ALS2: variants seen among roughly 807,000 people sequenced by gnomAD.
ALS2 encodes alsin.
In ALS2, 117 loss-of-function variants were observed where a neutral mutation model predicts 203.4. That is an observed-to-expected ratio of 0.58 (90% CI 0.50 to 0.67). The LOEUF (loss-of-function observed/expected upper bound fraction) is 0.67, where lower values mean the gene tolerates loss of function less well. Among genes scored for constraint, ALS2 ranks in the 30% least tolerant of loss-of-function variants. The pLI is 0.00. For missense variants in ALS2, 1,715 were observed against 1,989.4 expected, an observed-to-expected ratio of 0.86 and a Z score of 2.62; for synonymous variants, 718 against 725.9, an observed-to-expected ratio of 0.99 and a Z score of 0.17.
chr2:201,734,041 C>T (rs571704650), intron 12 of ALS2, among the ~76,000 whole-genome samples: 1 of 152,240 alleles, frequency 6.6e-6, no homozygotes, highest in South Asian at 2.1e-4. Context: ...TCTTCAAAAG[C>T]ATTTCAAACT....
At chr2:201,714,334 C>G (rs1185295194) in intron 25 of ALS2, among the ~76,000 whole-genome samples, 1 of 152,188 alleles carries the variant, frequency 6.6e-6, no homozygotes, top group Non-Finnish European at 1.5e-5. Flanking sequence ...GTGACCCGCC[C>G]CCAGTATAAA....
chr2:201,725,252 G>T, intron 20 of ALS2, 104 bp downstream of exon 20: 1 of 883,708 alleles, frequency 1.1e-6, no homozygotes, highest in Non-Finnish European at 1.9e-6. Flanking sequence ...TTATCTATAA[G>T]ACTAAACAAA....
At chr2:201,778,470 C>CAA (rs1328937918) in intron 1 of ALS2, 2 of 152,006 alleles carry the variant, frequency 1.3e-5, no homozygotes, top group African/African-American at 4.8e-5. Flanking sequence ...TACATGCAGG[C>CAA]AAACATCAAG....
Position 201,701,606 on chromosome 2 carries a change from C to A in ALS2, c.*245G>T. On this transcript the variant is annotated 3_prime_UTR_variant, in exon 34 of 34. Transcript: ENST00000264276. ...TAGTAGATAAATGGTATTTTTGGAA[C>A]TTATCATAGGCCAAGAACTGGTCTA... 2.3e-6 allele frequency: 1 copy of A among 434,248 alleles called. No homozygotes were observed. The highest frequency in any genetic ancestry group is 4.5e-5 in the South Asian group (1 of 22,256). 26.9% of individuals were successfully genotyped at this position (434,248 alleles called of 1,614,324 possible). A position where few individuals can be genotyped will look rare whatever the true frequency, so the allele number is the denominator to read the frequency against.
intron 10 of ALS2, 118 bp downstream of exon 10, chr2:201,744,138 CAA>C: frequency 8.7e-7 from 1 of 1,155,156 alleles, no homozygotes; most frequent in Non-Finnish European, 1.3e-6. Flanking sequence ...TACACACACA[CAA>C]AGACAGTGCA....
At chr2:201,741,525 C>CTA in intron 11 of ALS2, 149 bp downstream of exon 11, 7 of 828,504 alleles carry the variant, frequency 8.4e-6, no homozygotes, top group Non-Finnish European at 1.2e-5. Context: ...CAATCCAGAA[C>CTA]TATAGTTGGC....
In ALS2 at chr2:201,724,341, C is replaced by G. The variant is rs191150274; in HGVS notation, c.3466G>C (p.Val1156Leu). ...CCATATCCTGCTTTCTTATCCATTACCCACTGGCCAATGAACATACTAGGA... is the reference window on the plus strand; with the variant it reads ...CCATATCCTGCTTTCTTATCCATTAGCCACTGGCCAATGAACATACTAGGA... ...SSPSMFIGQW[V>L]MDKKAGYGVF... The change falls in exon 21 of 34, where the codon GTA becomes CTA. Residue 1156 changes from valine to leucine, a missense_variant. By Grantham distance (32) the Val-to-Leu change is conservative. Coordinates refer to ENST00000264276, the MANE Select transcript of ALS2 (RefSeq NM_020919.4). 20 of 1,613,940 alleles carry G rather than the reference C, an allele frequency of 1.2e-5. No homozygotes were observed. The East Asian group carries it at 4.5e-4, about 36-fold the overall frequency.
At chr2:201,727,102 A>G (rs369007394) in intron 17 of ALS2, 110 bp downstream of exon 17, 17 of 1,107,032 alleles carry the variant, frequency 1.5e-5, no homozygotes, top group African/African-American at 7.7e-5. Flanking sequence ...TTTATCAGAC[A>G]GAACTGTGCA....
At chr2:201,738,402 AAG>A in intron 12 of ALS2, 3 of 481,246 alleles carry the variant, frequency 6.2e-6, no homozygotes, top group Non-Finnish European at 1.1e-5. Context: ...TACTGAGGTA[AAG>A]AGAGTTGTCC....
chr2:201,771,825 G>A (rs1486777721), intron 1 of ALS2, among the ~76,000 whole-genome samples: 2 of 152,166 alleles, frequency 1.3e-5, no homozygotes, highest in African/African-American at 4.8e-5. Context: ...TTCCTTAAGA[G>A]GGCAAGATCC....
chr2:201,715,664 T>A lies in ALS2; in HGVS notation c.4004+8A>T. Reference sequence around the variant, plus strand: ...GCTCTGCTGTATGTTGAGCAGGTGTTCACTCACCTGTCTCTGTGCTGGCGC... The same window carrying A: ...GCTCTGCTGTATGTTGAGCAGGTGTACACTCACCTGTCTCTGTGCTGGCGC... On this transcript the variant is annotated splice_region_variant and intron_variant, in intron 25 of 33. Transcript: ENST00000264276. 1 of 1,614,118 alleles carries A rather than the reference T, an allele frequency of 6.2e-7. No individual in the cohort carries two copies. Among genetic ancestry groups the A allele is most frequent in the Middle Eastern group, 1.6e-4 (1 of 6,062 alleles).
chr2:201,757,415 T>C lies in ALS2; in HGVS notation c.1458A>G (p.Gly486=). The C allele has an allele frequency of 2.5e-6, 4 of 1,613,832 alleles. No individual in the cohort carries two copies. Among genetic ancestry groups the C allele is most frequent in the Non-Finnish European group, 3.4e-6 (4 of 1,179,720 alleles). The change falls in exon 5 of 34, where the codon GGA becomes GGG. Residue 486 remains glycine, a synonymous_variant. Transcript: ENST00000264276. ...EGGSRRLSLP[G]LLSQVSPRLL... is the part of the protein sequence containing the mutation. ...TTATTTCCTTACCTTGTGACAACAA[T>C]CCAGGGAGGGAGAGTCTTCGACTGC...
chr2:201,767,705 CAA>C (rs57200737), intron 2 of ALS2, among the ~76,000 whole-genome samples: 4 of 140,452 alleles, frequency 2.8e-5, no homozygotes, highest in Non-Finnish European at 4.7e-5. Context: ...ACTAAAAATA[CAA>C]AAAAAAAAAA....
intron 9 of ALS2, 29 bp downstream of exon 9, chr2:201,746,537 G>T: frequency 6.2e-7 from 1 of 1,611,738 alleles, no homozygotes; most frequent in South Asian, 1.1e-5. Context: ...GTTACTGAAT[G>T]TGGGCCTTAG....
intron 14 of ALS2, 147 bp from the exon 15 acceptor site, chr2:201,728,787 TA>T (rs1444693728): frequency 1.3e-5 from 14 of 1,078,916 alleles, no homozygotes; most frequent in Admixed American, 2.7e-5. Context: ...ATATGGGATC[TA>T]AACACTTCAC....
chr2:201,705,354 T>C, intron 30 of ALS2, 62 bp downstream of exon 30: 1 of 1,561,158 alleles, frequency 6.4e-7, no homozygotes, highest in Non-Finnish European at 8.8e-7. Flanking sequence ...AAAGTTTTGC[T>C]ATCTCAAATC....
chr2:201,734,245 T>G (rs1691740763), intron 12 of ALS2, among the ~76,000 whole-genome samples: 1 of 152,064 alleles, frequency 6.6e-6, no homozygotes, highest in Non-Finnish European at 1.5e-5. Flanking sequence ...GCTGCCAAGG[T>G]GGGTGGATAG....
At chr2:201,702,925 G>C (rs1171504399) in intron 33 of ALS2, among the ~76,000 whole-genome samples, 1 of 152,150 alleles carries the variant, frequency 6.6e-6, no homozygotes, top group Non-Finnish European at 1.5e-5. Context: ...TGACCAGCCT[G>C]GCCAACCTGG....
At chr2:201,747,749 C>A (rs1302017909) in intron 8 of ALS2, among the ~76,000 whole-genome samples, 4 of 152,104 alleles carry the variant, frequency 2.6e-5, no homozygotes, top group African/African-American at 9.7e-5. Context: ...GCGCCCAGCC[C>A]AGCACTCTGT....
Sources: allele counts gnomAD v4.1 joint callset (sites outside exome capture counted in the v4.1 genomes callset), GRCh38; gene constraint gnomAD v4.1.1; transcripts MANE v1.5; gene names NCBI Gene and HGNC (gene_info 2026-07-23, HGNC 2026-07-21).